The following ANK3 variants were observed in gnomAD, a reference collection of about 807,000 sequenced individuals.
ANK3 encodes ankyrin-3.
A neutral mutation model predicts 370.9 loss-of-function variants in ANK3; 57 were observed. That is an observed-to-expected ratio of 0.15 (90% CI 0.12 to 0.19). The LOEUF is 0.19. Ranked by LOEUF, ANK3 falls within the 10% of genes least tolerant of loss-of-function variation. The pLI is 1.00. For synonymous variants in ANK3, 1,929 were observed against 1,946.3 expected (o/e 0.99, Z 0.23); for missense variants, 4,439 against 5,302.1 (o/e 0.84, Z 5.06).
intron 2 of ANK3, among the ~76,000 whole-genome samples, chr10:60,551,209 C>T (rs539603541): frequency 2.0e-5 from 3 of 151,840 alleles, no homozygotes; most frequent in Non-Finnish European, 4.4e-5. Context: ...TTTAAAAGTG[C>T]GGATTCAAAA....
chr10:60,512,172 C>T (rs1378045736), intron 2 of ANK3, among the ~76,000 whole-genome samples: 1 of 151,998 alleles, frequency 6.6e-6, no homozygotes, highest in Non-Finnish European at 1.5e-5. Flanking sequence ...TCATTTTCAT[C>T]TCCCAGAAGT....
intron 2 of ANK3, among the ~76,000 whole-genome samples, chr10:60,611,457 C>G (rs1299719946): frequency 6.6e-6 from 1 of 152,198 alleles, no homozygotes; most frequent in Non-Finnish European, 1.5e-5. Flanking sequence ...GTAGCCCTGA[C>G]TTCTTCTGAG....
At chr10:60,399,173 A>T (rs1225303474) in intron 2 of ANK3, among the ~76,000 whole-genome samples, 1 of 152,116 alleles carries the variant, frequency 6.6e-6, no homozygotes, top group Admixed American at 6.5e-5. Context: ...TCTTTTTGGC[A>T]TTATTTCATT....
intron 1 of ANK3, among the ~76,000 whole-genome samples, chr10:60,370,323 T>C (rs527761798): frequency 2.0e-5 from 3 of 152,326 alleles, no homozygotes; most frequent in South Asian, 4.1e-4. Context: ...AATTAAACTT[T>C]TAATGCTATT....
chr10:60,454,535 A>G (rs1470943066), intron 2 of ANK3, among the ~76,000 whole-genome samples: 1 of 152,086 alleles, frequency 6.6e-6, no homozygotes, highest in Non-Finnish European at 1.5e-5. Context: ...AATAGGGAAG[A>G]AGGCCAGGAC....
At chr10:60,418,172 G>T (rs2063707830) in intron 2 of ANK3, among the ~76,000 whole-genome samples, 1 of 152,096 alleles carries the variant, frequency 6.6e-6, no homozygotes, top group Non-Finnish European at 1.5e-5. Flanking sequence ...CTCCTGATAT[G>T]CACTGTCCAG....
At chr10:60,283,382 T>C (rs996933359) in intron 1 of ANK3, among the ~76,000 whole-genome samples, 1 of 152,150 alleles carries the variant, frequency 6.6e-6, no homozygotes, top group African/African-American at 2.4e-5. Flanking sequence ...CCTCTTTTGA[T>C]GCTATATCTA....
chr10:60,057,671 T>C (rs868152612), intron 41 of ANK3, among the ~76,000 whole-genome samples: 15 of 152,216 alleles, frequency 9.9e-5, no homozygotes, highest in Non-Finnish European at 2.2e-4. Context: ...TTTTCCTCCT[T>C]CTATGGAACC....
intron 1 of ANK3, among the ~76,000 whole-genome samples, chr10:60,625,544 G>A (rs372167002): frequency 3.7e-4 from 56 of 152,282 alleles, no homozygotes; most frequent in African/African-American, 1.3e-3. Context: ...ATCAAAATCA[G>A]TTTATTTCCC....
At chr10:60,390,086 T>C (rs1392617776), upstream of ANK3, among the ~76,000 whole-genome samples, 5 of 152,228 alleles carry the variant, frequency 3.3e-5, no homozygotes, top group African/African-American at 1.2e-4. Flanking sequence ...CTGTTCCTAC[T>C]TTAGTTCAAC....
rs142712759 is a variant in ANK3, at chr10:60,368,966, C to A, written c.114+20459G>T. 1.3e-3 allele frequency among the ~76,000 whole-genome samples: 204 copies of A among 152,264 alleles called. 1 individual carries two copies. Among genetic ancestry groups the A allele is most frequent in the African/African-American group, 4.8e-3 (199 of 41,560 alleles). ...CTGACTATAGAAGGGAATAAAGGAA[C>A]TTTCAGGGCTGATGAAAGGTTCTAC... On this transcript the variant is annotated intron_variant, in intron 1 of 43. Transcript: ENST00000280772.
chr10:60,717,094 A>G (rs1447759340), intron 1 of ANK3, among the ~76,000 whole-genome samples: 1 of 152,166 alleles, frequency 6.6e-6, no homozygotes, highest in Non-Finnish European at 1.5e-5. Flanking sequence ...CATTGACCAA[A>G]AGCTTACAAT....
At chr10:60,117,898 A>G (rs2093210046) in intron 25 of ANK3, among the ~76,000 whole-genome samples, 1 of 152,252 alleles carries the variant, frequency 6.6e-6, no homozygotes, top group Non-Finnish European at 1.5e-5. Context: ...AGCATCAAAT[A>G]CAGATATAAG....
At chr10:60,141,559 C>CTTTTTTTTTTTTTTTTTT (rs2094555559) in intron 23 of ANK3, among the ~76,000 whole-genome samples, 1 of 61,164 alleles carries the variant, frequency 1.6e-5, no homozygotes, top group African/African-American at 7.9e-5. Flanking sequence ...ATTTCAATTG[C>CTTTTTTTTTTTTTTTTTT]TGTTTTTTTT....
At chr10:60,463,751 A>G (rs1455191387) in intron 2 of ANK3, among the ~76,000 whole-genome samples, 1 of 151,188 alleles carries the variant, frequency 6.6e-6, no homozygotes, top group Non-Finnish European at 1.5e-5. Flanking sequence ...TTTTCTTTAC[A>G]CTTTTCATTT....
At chr10:60,604,133 G>A (rs1452551248) in intron 2 of ANK3, among the ~76,000 whole-genome samples, 1 of 152,080 alleles carries the variant, frequency 6.6e-6, no homozygotes, top group African/African-American at 2.4e-5. Context: ...AGGTCAAGAG[G>A]ACAAAGGCAC....
chr10:60,127,988 C>T (rs1447926722), intron 25 of ANK3, among the ~76,000 whole-genome samples: 1 of 151,988 alleles, frequency 6.6e-6, no homozygotes, highest in Non-Finnish European at 1.5e-5. Context: ...TGAGCCACCG[C>T]GCCCGGCCAG....
chr10:60,622,530 C>T (rs913462290), intron 1 of ANK3, among the ~76,000 whole-genome samples: 7 of 152,012 alleles, frequency 4.6e-5, no homozygotes, highest in South Asian at 2.1e-4. Flanking sequence ...AGTGAGCCAC[C>T]GTGCCCAGCT....
intron 40 of ANK3, chr10:60,059,853 G>T: frequency 1.2e-6 from 2 of 1,614,228 alleles, no homozygotes; most frequent in Non-Finnish European, 1.7e-6. Flanking sequence ...GTTCCCCTGG[G>T]AAGGCACTAG....
Sources: gnomAD v4.1 joint callset for allele counts (sites outside exome capture counted in the v4.1 genomes callset) on GRCh38, gnomAD v4.1.1 for gene constraint, MANE v1.5 for transcripts, NCBI Gene and HGNC (gene_info 2026-07-23, HGNC 2026-07-21) for gene names.